The following EIF5A2 variants were observed in gnomAD, a reference collection of about 807,000 sequenced individuals.
The protein encoded by EIF5A2 is eukaryotic translation initiation factor 5A-2.
Under a neutral mutation model 16.4 loss-of-function variants are expected in EIF5A2, and 15 were observed. That is an observed-to-expected ratio of 0.92 (90% confidence interval 0.61 to 1.41). The LOEUF (loss-of-function observed/expected upper bound fraction) is 1.41, where lower values mean the gene tolerates loss of function less well. EIF5A2 is among the 40% of genes most tolerant of loss of function. The pLI, the probability that EIF5A2 is intolerant of heterozygous loss-of-function variation, is 0.00. For synonymous variants in EIF5A2, 48 were observed against 61.1 expected (o/e 0.79, Z 1.00); for missense variants, 144 against 189.5 (o/e 0.76, Z 1.41).
intron 3 of EIF5A2, among the ~76,000 whole-genome samples, chr3:170,900,241 C>A (rs1712776409): frequency 2.0e-5 from 3 of 151,668 alleles, no homozygotes; most frequent in Admixed American, 2.0e-4. Context: ...TGTGATGGCA[C>A]CTGGAGTCCC....
rs1191015364 is a variant in EIF5A2 at position 170,888,990 on chromosome 3, TA to T, written c.*4369del. The T allele has an allele frequency of 2.0e-5, 3 of 151,350 alleles. No homozygotes were observed. Among genetic ancestry groups the T allele is most frequent in the Non-Finnish European group, 4.4e-5 (3 of 67,812 alleles). 9.4% of individuals were successfully genotyped at this position (151,350 alleles called of 1,614,324 possible). On this transcript the variant is annotated 3_prime_UTR_variant, in exon 5 of 5. Coordinates refer to ENST00000295822, the MANE Select transcript of EIF5A2 (RefSeq NM_020390.6). ...GTGCAATCTTGAACTAAGATAAACT[TA>T]AGTCTATCAATACCAAGAAACAGTT...
intron 3 of EIF5A2, 114 bp downstream of exon 3, chr3:170,906,875 T>C: frequency 1.7e-6 from 1 of 573,658 alleles, no homozygotes; most frequent in East Asian, 3.0e-5. Context: ...TGCCTAATAA[T>C]TGGTTAGAAA....
intron 3 of EIF5A2, among the ~76,000 whole-genome samples, chr3:170,896,127 A>G (rs1317426265): frequency 6.6e-6 from 1 of 152,214 alleles, no homozygotes; most frequent in East Asian, 1.9e-4. Context: ...CCAAATAATA[A>G]TACTGATATT....
At chr3:170,900,366 C>CAAAAAAAAAAAAAAAAAA (rs1168908597) in intron 3 of EIF5A2, among the ~76,000 whole-genome samples, 1 of 64,146 alleles carries the variant, frequency 1.6e-5, no homozygotes, top group Non-Finnish European at 3.1e-5. Context: ...GACTCCATCT[C>CAAAAAAAAAAAAAAAAAA]AAAAAAAAAA....
rs182786743 is a variant in EIF5A2, at chr3:170,892,773, A to C, written c.*587T>G. On this transcript the variant is annotated 3_prime_UTR_variant, in exon 5 of 5. Coordinates refer to ENST00000295822, the MANE Select transcript of EIF5A2 (RefSeq NM_020390.6). ...GGGACTAAAACCACCATATAAGGTTACATCAAGTTTGCCAACAATTTGGTA... is the reference window on the plus strand; with the variant it reads ...GGGACTAAAACCACCATATAAGGTTCCATCAAGTTTGCCAACAATTTGGTA... 5.0e-6 allele frequency: 2 copies of C among 398,750 alleles called. No homozygotes were observed. Among genetic ancestry groups the C allele is most frequent in the East Asian group, 7.1e-5 (2 of 28,060 alleles). The allele number at this position is 398,750 out of a possible 1,614,324, so 24.7% of individuals were successfully genotyped here.
chr3:170,899,572 C>T (rs562152951), intron 3 of EIF5A2, among the ~76,000 whole-genome samples: 1 of 152,094 alleles, frequency 6.6e-6, no homozygotes, highest in South Asian at 2.1e-4. Flanking sequence ...GAAAGGAATA[C>T]TATACAAATG....
chr3:170,889,343 A>G lies in EIF5A2; in HGVS notation c.*4017T>C, dbSNP rs1051672260. The G allele has an allele frequency of 5.3e-4, 81 of 152,640 alleles. No homozygotes were observed. The highest frequency in any genetic ancestry group is 1.9e-3 in the African/African-American group (79 of 41,562). 9.5% of individuals were successfully genotyped at this position (152,640 alleles called of 1,614,324 possible). A position where few individuals can be genotyped will look rare whatever the true frequency, so the allele number is the denominator to read the frequency against. ...TGTTCCCATAGAACATCTGTGTTTCATAAGCTAAATCCAAATGTTCCCTGC... is the reference window on the plus strand; with the variant it reads ...TGTTCCCATAGAACATCTGTGTTTCGTAAGCTAAATCCAAATGTTCCCTGC... On this transcript the variant is annotated 3_prime_UTR_variant, in exon 5 of 5. Transcript: ENST00000295822.
chr3:170,896,809 C>T (rs1309775580), intron 3 of EIF5A2, among the ~76,000 whole-genome samples: 1 of 152,100 alleles, frequency 6.6e-6, no homozygotes, highest in African/African-American at 2.4e-5. Context: ...GAGACTGCAA[C>T]AGTTTAGAGG....
At chr3:170,901,821 C>T (rs913914371) in intron 3 of EIF5A2, among the ~76,000 whole-genome samples, 12 of 152,150 alleles carry the variant, frequency 7.9e-5, no homozygotes, top group African/African-American at 2.9e-4. Context: ...TTAGGTAACA[C>T]CTATTCCTTT....
At chr3:170,906,618 G>A (rs1231819854) in intron 3 of EIF5A2, among the ~76,000 whole-genome samples, 2 of 152,078 alleles carry the variant, frequency 1.3e-5, no homozygotes, top group African/African-American at 4.8e-5. Context: ...TCTGATCAGT[G>A]AAAAGAAACA....
chr3:170,897,231 T>C (rs1051268582), intron 3 of EIF5A2, among the ~76,000 whole-genome samples: 13 of 152,094 alleles, frequency 8.5e-5, no homozygotes, highest in Admixed American at 4.6e-4. Flanking sequence ...ATCCTGACCA[T>C]GTAGTAGAAA....
In EIF5A2 at chr3:170,889,795, G is replaced by A. The variant is rs1712485900; in HGVS notation, c.*3565C>T. ...TGCCTGGCTCCAAAACTATCTCTGG[G>A]GTCCATGCCAAAGGAATGCTTTCAG... is the stretch of plus-strand genomic sequence containing the variant. On this transcript the variant is annotated 3_prime_UTR_variant, in exon 5 of 5. Transcript: ENST00000295822. 6.6e-6 allele frequency: 1 copy of A among 152,178 alleles called. No homozygotes were observed. The highest frequency in any genetic ancestry group is 6.6e-5 in the Admixed American group (1 of 15,230). The allele number at this position is 152,178 out of a possible 1,614,324, so 9.4% of individuals were successfully genotyped here.
chr3:170,894,550 A>G, intron 3 of EIF5A2, 127 bp from the exon 4 acceptor site: 1 of 703,290 alleles, frequency 1.4e-6, no homozygotes, highest in Non-Finnish European at 2.1e-6. Flanking sequence ...TATTCTTGGT[A>G]TTTAAAATGC....
At chr3:170,905,362 T>G (rs1309236526) in intron 3 of EIF5A2, among the ~76,000 whole-genome samples, 1 of 152,218 alleles carries the variant, frequency 6.6e-6, no homozygotes, top group African/African-American at 2.4e-5. Context: ...TGAGCTCCAA[T>G]CAATGACTGG....
At chr3:170,907,392 T>A (rs1217866665) in intron 2 of EIF5A2, among the ~76,000 whole-genome samples, 1 of 152,186 alleles carries the variant, frequency 6.6e-6, no homozygotes, top group East Asian at 1.9e-4. Context: ...ATCTGTAAAC[T>A]AAATAGATCT....
At chr3:170,904,752 G>T (rs2108296379) in intron 3 of EIF5A2, among the ~76,000 whole-genome samples, 1 of 152,214 alleles carries the variant, frequency 6.6e-6, no homozygotes, top group South Asian at 2.1e-4. Flanking sequence ...ACAGAAATAA[G>T]TTATTTTTCT....
intron 4 of EIF5A2, among the ~76,000 whole-genome samples, 195 bp downstream of exon 4, chr3:170,894,097 A>T: frequency 6.6e-6 from 1 of 151,954 alleles, no homozygotes; most frequent in East Asian, 1.9e-4. Context: ...ATGCTGATGT[A>T]GCAAAAATGA....
At chr3:170,898,301 T>C (rs573900677) in intron 3 of EIF5A2, among the ~76,000 whole-genome samples, 1 of 152,256 alleles carries the variant, frequency 6.6e-6, no homozygotes, top group South Asian at 2.1e-4. Context: ...AACATGAGAT[T>C]TGGAAGGGGC....
At chr3:170,904,750 A>G (rs1045038149) in intron 3 of EIF5A2, among the ~76,000 whole-genome samples, 8 of 152,196 alleles carry the variant, frequency 5.3e-5, no homozygotes, top group African/African-American at 1.9e-4. Flanking sequence ...TAACAGAAAT[A>G]AGTTATTTTT....
Sources: gnomAD v4.1 joint callset for allele counts (sites outside exome capture counted in the v4.1 genomes callset) on GRCh38, gnomAD v4.1.1 for gene constraint, MANE v1.5 for transcripts, NCBI Gene and HGNC (gene_info 2026-07-23, HGNC 2026-07-21) for gene names.